ZFHX3: variants seen among roughly 807,000 people sequenced by gnomAD.
ZFHX3 encodes zinc finger homeobox 3.
In ZFHX3, 42 loss-of-function variants were observed where a neutral mutation model predicts 279.1. The observed-to-expected ratio is 0.15, with a 90% CI of 0.12 to 0.19. ZFHX3 has a LOEUF of 0.19. Ranked by LOEUF, ZFHX3 falls within the 10% of genes least tolerant of loss-of-function variation. The pLI is 1.00. For missense variants in ZFHX3, 4,981 were observed against 4,754.0 expected, an observed-to-expected ratio of 1.05 and a Z score of -1.40; for synonymous variants, 2,293 against 1,957.8, an observed-to-expected ratio of 1.17 and a Z score of -4.52.
intron 1 of ZFHX3, chr16:73,015,526 G>C (rs1964071459): frequency 6.6e-6 from 1 of 152,202 alleles, no homozygotes; most frequent in South Asian, 2.1e-4. Context: ...TTATCTAATA[G>C]GAGACACCGA....
chr16:73,338,307 C>G (rs1408551388), intron 3 of ZFHX3, among the ~76,000 whole-genome samples: 1 of 152,184 alleles, frequency 6.6e-6, no homozygotes, highest in East Asian at 1.9e-4. Context: ...ACACTACTGA[C>G]AGTTTTATCC....
rs936342470 is a variant in ZFHX3 at position 73,560,842 on chromosome 16, C to T, written c.-1546-104584G>A. Among the ~76,000 whole-genome samples the T allele has an allele frequency of 4.6e-5, 7 of 152,222 alleles. No individual in the cohort carries two copies. The East Asian group carries it at 9.7e-4, about 21-fold the overall frequency. On this transcript the variant is annotated intron_variant, in intron 2 of 17. Coordinates refer to the ZFHX3 transcript ENST00000641206. ...ATAGCACCTCAGGTCAAAGACAGGCCGAGTTAAAACACTCTGTGAGACTAG... is the reference window on the plus strand; with the variant it reads ...ATAGCACCTCAGGTCAAAGACAGGCTGAGTTAAAACACTCTGTGAGACTAG...
At chr16:73,823,569 T>C (rs1178344273) in intron 1 of ZFHX3, among the ~76,000 whole-genome samples, 2 of 152,240 alleles carry the variant, frequency 1.3e-5, no homozygotes, top group African/African-American at 4.8e-5. Flanking sequence ...GGCCAAATTG[T>C]GCCACTGCCT....
At chr16:73,513,823 C>T (rs2019474649) in intron 2 of ZFHX3, among the ~76,000 whole-genome samples, 1 of 151,878 alleles carries the variant, frequency 6.6e-6, no homozygotes. Flanking sequence ...TGTCTCATGC[C>T]CACCACAGAG....
intron 4 of ZFHX3, among the ~76,000 whole-genome samples, chr16:72,835,504 C>A (rs995647066): frequency 6.6e-6 from 1 of 152,100 alleles, no homozygotes; most frequent in African/African-American, 2.4e-5. Flanking sequence ...GTATATAGGA[C>A]CTCTTCTTTG....
intron 1 of ZFHX3, among the ~76,000 whole-genome samples, chr16:73,745,551 G>T (rs938815024): frequency 1.3e-4 from 20 of 152,148 alleles, no homozygotes; most frequent in Admixed American, 1.2e-3. Context: ...TCCCTTGAAG[G>T]CATTAAAATT....
chr16:73,776,665 G>A (rs1300915995), intron 1 of ZFHX3, among the ~76,000 whole-genome samples: 1 of 152,148 alleles, frequency 6.6e-6, no homozygotes, highest in East Asian at 1.9e-4. Flanking sequence ...TTGGGATAAG[G>A]TAAAGTTAAT....
Position 73,451,746 on chromosome 16 carries a change from G to C in ZFHX3, c.-1291+4257C>G, listed in dbSNP as rs142465765. 2.0e-5 allele frequency among the ~76,000 whole-genome samples: 3 copies of C among 152,136 alleles called. No individual in the cohort carries two copies. In the East Asian group the frequency reaches 5.8e-4, roughly 29 times the overall value. On this transcript the variant is annotated intron_variant, in intron 3 of 17. Transcript: ENST00000641206. The stretch of plus-strand genomic sequence containing the variant: ...CCAGATGGGAGATCCTTAGGTTTTT[G>C]GGCATAAAAGAATTTTTTTAAAAAA...
At chr16:73,090,905 C>A in intron 8 of ZFHX3, among the ~76,000 whole-genome samples, 3 of 63,612 alleles carry the variant, frequency 4.7e-5, no homozygotes, top group African/African-American at 3.4e-4. Context: ...AGTAAGATCC[C>A]ATATTGAAAA....
intron 5 of ZFHX3, among the ~76,000 whole-genome samples, chr16:73,185,311 A>G (rs1285000867): frequency 1.3e-5 from 2 of 152,184 alleles, no homozygotes; most frequent in Non-Finnish European, 2.9e-5. Flanking sequence ...ATGTAACCGT[A>G]TGAGGTAAGC....
At chr16:73,791,763 G>A (rs1276094393) in intron 1 of ZFHX3, among the ~76,000 whole-genome samples, 2 of 152,208 alleles carry the variant, frequency 1.3e-5, no homozygotes, top group African/African-American at 4.8e-5. Flanking sequence ...TAACGCTAAT[G>A]TTGCAGGTCT....
chr16:73,260,552 C>G (rs918549740), intron 4 of ZFHX3, among the ~76,000 whole-genome samples: 1 of 152,012 alleles, frequency 6.6e-6, no homozygotes, highest in Non-Finnish European at 1.5e-5. Context: ...GTAAGATGTC[C>G]CAGGTTCATC....
At chr16:72,997,872 G>C (rs766132898) in intron 1 of ZFHX3, among the ~76,000 whole-genome samples, 1 of 152,068 alleles carries the variant, frequency 6.6e-6, no homozygotes, top group Non-Finnish European at 1.5e-5. Context: ...TTGAGCCCAG[G>C]AGTTCCAAGA....
intron 2 of ZFHX3, among the ~76,000 whole-genome samples, chr16:73,590,251 T>C: frequency 6.6e-6 from 1 of 152,204 alleles, no homozygotes; most frequent in East Asian, 1.9e-4. Context: ...CTAAAAACCA[T>C]AACTGGCCTG....
chr16:73,541,232 C>T (rs1052855405), intron 2 of ZFHX3, among the ~76,000 whole-genome samples: 4 of 152,208 alleles, frequency 2.6e-5, no homozygotes, highest in African/African-American at 9.7e-5. Flanking sequence ...ATGCTATCAT[C>T]CCAGCACTTT....
chr16:73,207,864 T>C (rs2011866711), intron 5 of ZFHX3, among the ~76,000 whole-genome samples: 1 of 152,142 alleles, frequency 6.6e-6, no homozygotes, highest in Admixed American at 6.5e-5. Context: ...CAGGTGTAAA[T>C]TGCGCCAACG....
At chr16:73,153,321 G>A (rs568005955) in intron 5 of ZFHX3, among the ~76,000 whole-genome samples, 69 of 151,906 alleles carry the variant, frequency 4.5e-4, no homozygotes, top group Non-Finnish European at 6.5e-4. Flanking sequence ...GTCTCCCTAC[G>A]TTGCCTAGGC....
intron 4 of ZFHX3, among the ~76,000 whole-genome samples, chr16:72,870,725 A>AG (rs1347545694): frequency 6.6e-6 from 1 of 151,548 alleles, no homozygotes; most frequent in East Asian, 1.9e-4. Flanking sequence ...CTCAAAAAAA[A>AG]AAAAAAAAAA....
intron 5 of ZFHX3, among the ~76,000 whole-genome samples, chr16:73,153,585 AC>A (rs1214715023): frequency 2.0e-5 from 3 of 152,200 alleles, no homozygotes; most frequent in African/African-American, 7.2e-5. Flanking sequence ...GGTCACCATT[AC>A]GGGCTTTAAT....
Sources: allele counts gnomAD v4.1 joint callset (sites outside exome capture counted in the v4.1 genomes callset), GRCh38; gene constraint gnomAD v4.1.1; transcripts MANE v1.5; gene names NCBI Gene and HGNC (gene_info 2026-07-23, HGNC 2026-07-21).